Variants in EML2 observed in about 807,000 individuals in gnomAD.
EML2 encodes EMAP like 2.
Under a neutral mutation model 84.7 loss-of-function variants are expected in EML2, and 59 were observed. That is an observed-to-expected ratio of 0.70 (90% confidence interval 0.56 to 0.86). The LOEUF (loss-of-function observed/expected upper bound fraction) is 0.86, where lower values mean the gene tolerates loss of function less well. Ranked by LOEUF, EML2 falls within the 40% of genes least tolerant of loss-of-function variation. The pLI is 0.00. For missense variants in EML2, 818 were observed against 855.6 expected (o/e 0.96, Z 0.55); for synonymous variants, 352 against 348.9 (o/e 1.01, Z -0.10).
intron 3 of EML2, among the ~76,000 whole-genome samples, chr19:45,635,188 G>A (rs1005461618): frequency 6.6e-6 from 1 of 150,716 alleles, no homozygotes; most frequent in African/African-American, 2.4e-5. Flanking sequence ...ACCCAGGCTG[G>A]AGTGCAGTGG....
chr19:45,643,091 C>G (rs1292813396), upstream of EML2, among the ~76,000 whole-genome samples: 1 of 151,744 alleles, frequency 6.6e-6, no homozygotes, highest in Non-Finnish European at 1.5e-5. Flanking sequence ...ATGACACCAA[C>G]CTACTCCTAA....
chr19:45,638,980 C>A (rs372291887), intron 1 of EML2, 107 bp from the exon 2 acceptor site: 49 of 1,359,000 alleles, frequency 3.6e-5, no homozygotes, highest in South Asian at 1.6e-4. Flanking sequence ...CCGATGAAAA[C>A]GGGGCCGAGT....
intron 9 of EML2, among the ~76,000 whole-genome samples, chr19:45,623,831 G>A (rs985291406): frequency 6.6e-5 from 10 of 152,160 alleles, no homozygotes; most frequent in East Asian, 3.9e-4. Context: ...GATTACAGGC[G>A]TGAGCCACCG....
intron 3 of EML2, among the ~76,000 whole-genome samples, chr19:45,636,727 A>C (rs61285277): frequency 2.4e-4 from 37 of 152,350 alleles, no homozygotes; most frequent in Non-Finnish European, 2.9e-5. Flanking sequence ...CAGGTGGATC[A>C]CTTGAGGTCA....
chr19:45,641,524 C>G (rs561483195), upstream of EML2: 1 of 1,037,664 alleles, frequency 9.6e-7, no homozygotes, highest in African/African-American at 1.6e-5. Flanking sequence ...ACCGTCCCCG[C>G]TTTTGAACTA....
chr19:45,641,898 G>A (rs1254534224), upstream of EML2: 1 of 1,452,762 alleles, frequency 6.9e-7, no homozygotes, highest in South Asian at 1.4e-5. Context: ...GAGGCTGGGG[G>A]TCCCGGCCTT....
intron 15 of EML2, 187 bp from the exon 16 acceptor site, chr19:45,616,076 CTG>C: frequency 1.6e-6 from 1 of 606,514 alleles, no homozygotes; most frequent in East Asian, 2.8e-5. Context: ...CGGGGCCAGA[CTG>C]TGATGGGCAG....
At chr19:45,626,250 G>C (rs539641456) in intron 8 of EML2, among the ~76,000 whole-genome samples, 1 of 152,122 alleles carries the variant, frequency 6.6e-6, no homozygotes, top group East Asian at 1.9e-4. Flanking sequence ...GGGCTCAAGG[G>C]ATCCTCCCCC....
chr19:45,644,675 C>T, upstream of EML2: 1 of 455,984 alleles, frequency 2.2e-6, no homozygotes, highest in Non-Finnish European at 4.4e-6. Context: ...CCACTTTTCC[C>T]TCCCAACTCC....
intron 7 of EML2, 114 bp downstream of exon 7, chr19:45,629,837 G>A (rs1242447312): frequency 2.5e-6 from 2 of 806,230 alleles, no homozygotes; most frequent in Non-Finnish European, 4.2e-6. Context: ...CAGCCAGCAA[G>A]GAGTAAAGCC....
At position 45,626,899 on chromosome 19, in the gene EML2, C is replaced by T. The variant is rs914206287; in HGVS notation, c.607-60G>A. The T allele has an allele frequency of 3.5e-5, 53 of 1,524,914 alleles. No homozygotes were observed. In the Middle Eastern group the frequency reaches 8.5e-4, roughly 25 times the overall value. 94.5% of individuals were successfully genotyped at this position (1,524,914 alleles called of 1,614,324 possible). A position where few individuals can be genotyped will look rare whatever the true frequency, so the allele number is the denominator to read the frequency against. On this transcript the variant is annotated intron_variant, in intron 7 of 18. Coordinates refer to ENST00000245925, the MANE Select transcript of EML2 (RefSeq NM_012155.4). ...TCAAAGTCCCCAAGGCTACTATACCCGCCCCTCACAGGACTGCCCTAAACG... is the reference window on the plus strand; with the variant it reads ...TCAAAGTCCCCAAGGCTACTATACCTGCCCCTCACAGGACTGCCCTAAACG...
chr19:45,626,849 G>T lies in EML2; in HGVS notation c.607-10C>A. 1.2e-6 allele frequency: 2 copies of T among 1,604,084 alleles called. No individual in the cohort carries two copies. The highest frequency in any genetic ancestry group is 2.2e-5 in the East Asian group (1 of 44,560). ...CAGCCTCATTGGAGCACTTTGGGGG[G>T]TGGGGGAGATTCTGAATGAGGACCT... On this transcript the variant is annotated splice_polypyrimidine_tract_variant and intron_variant, in intron 7 of 18. Coordinates refer to ENST00000245925, the MANE Select transcript of EML2 (RefSeq NM_012155.4).
chr19:45,613,741 C>T lies in EML2; in HGVS notation c.1694-70G>A, dbSNP rs2122601767. ...AGGGACCGCCAAGAGGAGCAGATTG[C>T]CACTCCAGCCACCTTAATTTGTTCC... On this transcript the variant is annotated intron_variant, in intron 17 of 18. Transcript: ENST00000245925. 3 of 1,561,374 alleles carry T rather than the reference C, an allele frequency of 1.9e-6. No individual in the cohort carries two copies. The East Asian group carries it at 6.8e-5, about 35-fold the overall frequency.
upstream of EML2, among the ~76,000 whole-genome samples, chr19:45,639,682 A>G (rs1202335656): frequency 1.3e-5 from 2 of 152,088 alleles, no homozygotes; most frequent in Non-Finnish European, 2.9e-5. Context: ...CGGTTTCCTC[A>G]TTTAAAAAAT....
At chr19:45,615,304 C>T (rs1225351608) in intron 16 of EML2, among the ~76,000 whole-genome samples, 5 of 151,036 alleles carry the variant, frequency 3.3e-5, no homozygotes, top group African/African-American at 9.7e-5. Context: ...CGTGCCATTG[C>T]ACTCCAGCCT....
upstream of EML2, chr19:45,642,535 A>G (rs2122848790): frequency 7.1e-7 from 1 of 1,413,270 alleles, no homozygotes; most frequent in Non-Finnish European, 9.2e-7. Flanking sequence ...GGAAATCCCC[A>G]CAGCTCTCCA....
rs1456861029 is a variant in EML2 at position 45,621,327 on chromosome 19, A to C, written c.1002T>G (p.Pro334=). Residue 334 remains proline, a synonymous_variant, in exon 11 of 19, where the codon CCT becomes CCG. Coordinates refer to ENST00000245925, the MANE Select transcript of EML2 (RefSeq NM_012155.4). ...CGGTGCGCACAGGGCCAAAGTCCTC[A>C]GGGACCTGGGTGGACAGATAAGAGG... ...DYSKLQEVEV[P]EDFGPVRTVA... 1 of 1,604,248 alleles carries C rather than the reference A, an allele frequency of 6.2e-7. No homozygotes were observed. Among genetic ancestry groups the C allele is most frequent in the South Asian group, 1.1e-5 (1 of 90,192 alleles).
At chr19:45,630,308 C>T (rs1256307728) in intron 6 of EML2, among the ~76,000 whole-genome samples, 2 of 149,850 alleles carry the variant, frequency 1.3e-5, no homozygotes, top group East Asian at 3.9e-4. Flanking sequence ...AATCCCAGCA[C>T]TTTGGGAGGC....
chr19:45,641,593 A>G (rs1004042945), upstream of EML2: 4 of 1,519,862 alleles, frequency 2.6e-6, no homozygotes, highest in African/African-American at 4.1e-5. Flanking sequence ...TTTCTCGACC[A>G]TTTCCTCCCT....
Sources: allele counts gnomAD v4.1 joint callset (sites outside exome capture counted in the v4.1 genomes callset), GRCh38; gene constraint gnomAD v4.1.1; transcripts MANE v1.5; gene names NCBI Gene and HGNC (gene_info 2026-07-23, HGNC 2026-07-21).